Variants in AJAP1 observed in about 807,000 individuals in gnomAD.
The protein encoded by AJAP1 is adherens junctions associated protein 1, also known as adherens junction-associated protein 1.
Under a neutral mutation model 35.0 loss-of-function variants are expected in AJAP1, and 5 were observed. The ratio of observed to expected loss-of-function variants is 0.14; its 90% CI spans 0.07 to 0.30. AJAP1 has a LOEUF of 0.30. Among genes scored for constraint, AJAP1 ranks in the 10% least tolerant of loss-of-function variants. AJAP1 has a pLI of 1.00. For synonymous variants in AJAP1, 284 were observed against 249.3 expected (o/e 1.14, Z -1.31); for missense variants, 586 against 571.0 (o/e 1.03, Z -0.27).
intron 2 of AJAP1, among the ~76,000 whole-genome samples, chr1:4,742,795 T>C (rs997324302): frequency 1.3e-5 from 2 of 152,150 alleles, no homozygotes; most frequent in Admixed American, 1.3e-4. Context: ...GGTTTAGGGT[T>C]AGTACTTTTA....
chr1:4,700,951 A>G (rs753153003), intron 1 of AJAP1, among the ~76,000 whole-genome samples: 1 of 152,150 alleles, frequency 6.6e-6, no homozygotes, highest in Non-Finnish European at 1.5e-5. Context: ...CTCAGCTAAG[A>G]CACAGAGCCA....
At chr1:4,736,388 T>C (rs902420445) in intron 2 of AJAP1, among the ~76,000 whole-genome samples, 2 of 152,342 alleles carry the variant, frequency 1.3e-5, no homozygotes. Flanking sequence ...TCCCACGGTC[T>C]TGGCTCTGCC....
chr1:4,712,597 C>A lies in AJAP1; in HGVS notation c.727C>A (p.Arg243=). Residue 243 remains arginine, a synonymous_variant, in exon 2 of 6, where the codon CGG becomes AGG. Coordinates refer to ENST00000378191, the MANE Select transcript of AJAP1 (RefSeq NM_018836.4). ...GGGGTTCACCGAGTCCTTGGATCCC[C>A]GGAGAAGGATCCCAGGTGGGGTTAG... is the stretch of plus-strand genomic sequence containing the variant. The part of the protein sequence containing the change: ...TKGFTESLDP[R]RRIPGGVSTT... 1 of 1,602,478 alleles carries A rather than the reference C, an allele frequency of 6.2e-7. No individual in the cohort carries two copies. Among genetic ancestry groups the A allele is most frequent in the South Asian group, 1.1e-5 (1 of 89,616 alleles).
intron 3 of AJAP1, among the ~76,000 whole-genome samples, chr1:4,771,990 T>C (rs909029902): frequency 1.3e-5 from 2 of 152,112 alleles, no homozygotes; most frequent in Non-Finnish European, 2.9e-5. Context: ...TGATGCTCTT[T>C]AGTTAAGCAG....
chr1:4,767,330 T>C (rs1402836277), intron 2 of AJAP1, among the ~76,000 whole-genome samples: 1 of 151,680 alleles, frequency 6.6e-6, no homozygotes, highest in Non-Finnish European at 1.5e-5. Flanking sequence ...ATCACTATCA[T>C]TATTACCATC....
intron 1 of AJAP1, among the ~76,000 whole-genome samples, chr1:4,697,726 G>A (rs1639898313): frequency 6.6e-6 from 1 of 152,208 alleles, no homozygotes; most frequent in Admixed American, 6.5e-5. Flanking sequence ...TGTCCCTGAG[G>A]GTGTGCACAC....
At chr1:4,675,434 C>T (rs1472988272) in intron 1 of AJAP1, among the ~76,000 whole-genome samples, 5 of 152,202 alleles carry the variant, frequency 3.3e-5, no homozygotes, top group African/African-American at 1.2e-4. Context: ...CAGTGAGTGA[C>T]AGTGCCCAGG....
At chr1:4,663,698 G>GCTGGTGTCAGGAGCAGAGA (rs60584333) in intron 1 of AJAP1, among the ~76,000 whole-genome samples, 14,729 of 151,722 alleles carry the variant, frequency 0.097, 1,079 homozygotes, top group Admixed American at 0.19. Context: ...CAAGTTGTTA[G>GCTGGTGTCAGGAGCAGAGA]CTGCCCAGAC....
At chr1:4,745,056 GA>G (rs1345862595) in intron 2 of AJAP1, among the ~76,000 whole-genome samples, 16 of 152,128 alleles carry the variant, frequency 1.1e-4, no homozygotes, top group African/African-American at 3.9e-4. Context: ...AGCGTCCTTG[GA>G]AGGATTGAGT....
intron 3 of AJAP1, 131 bp from the exon 4 acceptor site, chr1:4,772,149 A>G (rs1570224595): frequency 8.7e-7 from 1 of 1,150,744 alleles, no homozygotes. Flanking sequence ...AGAGGCTGGG[A>G]ATTACCGTTT....
chr1:4,738,575 A>G (rs1031885201), intron 2 of AJAP1, among the ~76,000 whole-genome samples: 9 of 152,134 alleles, frequency 5.9e-5, no homozygotes, highest in Non-Finnish European at 5.9e-5. Flanking sequence ...AGGGAAGAGT[A>G]AGGAGAGGGG....
intron 2 of AJAP1, among the ~76,000 whole-genome samples, chr1:4,718,374 T>C (rs552359438): frequency 3.9e-5 from 6 of 152,348 alleles, no homozygotes; most frequent in Non-Finnish European, 8.8e-5. Context: ...TTAGTCCTTC[T>C]TAAGCTTCTT....
chr1:4,691,681 T>G, intron 1 of AJAP1, among the ~76,000 whole-genome samples: 1 of 150,246 alleles, frequency 6.7e-6, no homozygotes, highest in Admixed American at 6.6e-5. Flanking sequence ...ACTCCAGGAG[T>G]CAGGGGGGCT....
At chr1:4,725,262 G>A (rs1383768240) in intron 2 of AJAP1, among the ~76,000 whole-genome samples, 5 of 152,180 alleles carry the variant, frequency 3.3e-5, no homozygotes, top group Non-Finnish European at 7.4e-5. Flanking sequence ...AGGCAGATGT[G>A]CATCAGGTTA....
chr1:4,712,920 T>C (rs1640299229), intron 2 of AJAP1, among the ~76,000 whole-genome samples: 1 of 152,174 alleles, frequency 6.6e-6, no homozygotes, highest in Non-Finnish European at 1.5e-5. Context: ...CTTTTTAGTA[T>C]GTACCTAGAA....
At chr1:4,750,196 T>TTG (rs1410550325) in intron 2 of AJAP1, among the ~76,000 whole-genome samples, 1 of 152,116 alleles carries the variant, frequency 6.6e-6, no homozygotes, top group African/African-American at 2.4e-5. Context: ...ATGCCCATGT[T>TTG]TGTGTGTGCG....
intron 1 of AJAP1, among the ~76,000 whole-genome samples, chr1:4,687,397 A>G (rs1265459794): frequency 6.6e-6 from 1 of 152,160 alleles, no homozygotes; most frequent in Non-Finnish European, 1.5e-5. Flanking sequence ...CACGCCCTCC[A>G]TCAGCCTCAA....
intron 1 of AJAP1, among the ~76,000 whole-genome samples, chr1:4,700,360 G>A (rs549416565): frequency 9.2e-5 from 14 of 152,150 alleles, no homozygotes; most frequent in Admixed American, 2.6e-4. Flanking sequence ...GCTGGGCCTC[G>A]CCCCCACAGG....
At chr1:4,742,975 G>C (rs531941602) in intron 2 of AJAP1, among the ~76,000 whole-genome samples, 2 of 152,194 alleles carry the variant, frequency 1.3e-5, no homozygotes, top group Non-Finnish European at 2.9e-5. Flanking sequence ...GCCTGATGAG[G>C]TAGACACAAG....
Sources: allele counts gnomAD v4.1 joint callset (sites outside exome capture counted in the v4.1 genomes callset), GRCh38; gene constraint gnomAD v4.1.1; transcripts MANE v1.5; gene names NCBI Gene and HGNC (gene_info 2026-07-23, HGNC 2026-07-21).